Variants in LRP1B observed in about 807,000 individuals in gnomAD.
The protein encoded by LRP1B is LDL receptor related protein 1B.
Under a neutral mutation model 556.6 loss-of-function variants are expected in LRP1B, and 217 were observed. The observed-to-expected ratio is 0.39, with a 90% CI of 0.35 to 0.44. LRP1B has a LOEUF of 0.44. LRP1B is among the 20% of genes least tolerant of loss of function. The probability of loss-of-function intolerance (pLI) is 1.00; values close to 1 mark genes in which losing one functional copy is unlikely to be tolerated. For synonymous variants in LRP1B, 2,047 were observed against 1,865.8 expected (o/e 1.10, Z -2.50); for missense variants, 5,053 against 5,620.8 (o/e 0.90, Z 3.23).
intron 35 of LRP1B, among the ~76,000 whole-genome samples, chr2:140,750,705 C>T (rs891588628): frequency 6.6e-6 from 1 of 152,262 alleles, no homozygotes; most frequent in East Asian, 1.9e-4. Context: ...AACTTATTGA[C>T]TACAGTGACA....
intron 56 of LRP1B, among the ~76,000 whole-genome samples, chr2:140,495,143 G>T (rs1382974495): frequency 6.6e-6 from 1 of 151,994 alleles, no homozygotes; most frequent in African/African-American, 2.4e-5. Context: ...TATTACTATT[G>T]TTGCTTCTTC....
At chr2:140,380,076 C>T (rs919411251) in intron 67 of LRP1B, among the ~76,000 whole-genome samples, 1 of 152,080 alleles carries the variant, frequency 6.6e-6, no homozygotes, top group African/African-American at 2.4e-5. Flanking sequence ...ATGAAAAGTA[C>T]TTGAATTAAC....
chr2:141,833,207 A>C (rs1190159437), intron 1 of LRP1B, among the ~76,000 whole-genome samples: 1 of 151,826 alleles, frequency 6.6e-6, no homozygotes, highest in Non-Finnish European at 1.5e-5. Flanking sequence ...CTAATTTCTT[A>C]GTAGATTCTA....
At chr2:141,542,950 T>C (rs1031921332) in intron 2 of LRP1B, among the ~76,000 whole-genome samples, 3 of 152,158 alleles carry the variant, frequency 2.0e-5, no homozygotes, top group Non-Finnish European at 4.4e-5. Context: ...TATGTACTGA[T>C]AGCAGAAGAT....
chr2:141,227,932 C>T (rs1032356535), intron 6 of LRP1B, among the ~76,000 whole-genome samples: 2 of 152,082 alleles, frequency 1.3e-5, no homozygotes, highest in Non-Finnish European at 2.9e-5. Context: ...CATTTCTCTT[C>T]TCTTTCTTTT....
intron 3 of LRP1B, among the ~76,000 whole-genome samples, chr2:141,427,124 G>A (rs1245827250): frequency 6.6e-6 from 1 of 152,092 alleles, no homozygotes. Context: ...AACAATTAGT[G>A]CATAAATTTT....
chr2:140,968,077 A>G (rs1290518152), intron 18 of LRP1B, among the ~76,000 whole-genome samples: 1 of 145,286 alleles, frequency 6.9e-6, no homozygotes, highest in South Asian at 2.3e-4. Context: ...CTCTTTTTCT[A>G]TTGATTGGAA....
At chr2:140,602,651 A>T (rs1351019607) in intron 41 of LRP1B, among the ~76,000 whole-genome samples, 2 of 152,002 alleles carry the variant, frequency 1.3e-5, no homozygotes, top group Admixed American at 6.6e-5. Flanking sequence ...CAGGTTTAAG[A>T]TGAGTTAATA....
At chr2:142,004,023 G>A (rs1702734023) in intron 1 of LRP1B, among the ~76,000 whole-genome samples, 1 of 152,150 alleles carries the variant, frequency 6.6e-6, no homozygotes, top group Non-Finnish European at 1.5e-5. Flanking sequence ...ACACTTCTCT[G>A]GCATATAATA....
At chr2:141,472,365 T>A (rs1682508055) in intron 3 of LRP1B, among the ~76,000 whole-genome samples, 1 of 151,886 alleles carries the variant, frequency 6.6e-6, no homozygotes. Context: ...GACAGTGAAA[T>A]CCCGTCTGTA....
chr2:142,127,647 T>A (rs1202793606), intron 1 of LRP1B, among the ~76,000 whole-genome samples: 1 of 152,016 alleles, frequency 6.6e-6, no homozygotes, highest in African/African-American at 2.4e-5. Flanking sequence ...TTGTGGCATA[T>A]GAAGAGACAT....
At chr2:141,989,998 T>C (rs1702301423) in intron 1 of LRP1B, among the ~76,000 whole-genome samples, 1 of 152,106 alleles carries the variant, frequency 6.6e-6, no homozygotes, top group Non-Finnish European at 1.5e-5. Context: ...TAGCTTTACA[T>C]ATGGAATACA....
At chr2:140,725,801 C>T (rs1366737339) in intron 35 of LRP1B, among the ~76,000 whole-genome samples, 2 of 152,042 alleles carry the variant, frequency 1.3e-5, no homozygotes, top group African/African-American at 4.8e-5. Context: ...ACATCATATC[C>T]TTGACTCCTC....
chr2:140,517,286 A>G (rs1689947318), intron 49 of LRP1B, among the ~76,000 whole-genome samples: 1 of 152,196 alleles, frequency 6.6e-6, no homozygotes, highest in Admixed American at 6.5e-5. Flanking sequence ...GGTTTAAATT[A>G]TAACAGTAGC....
chr2:140,696,326 A>G (rs114383666), intron 41 of LRP1B, among the ~76,000 whole-genome samples: 5,561 of 152,180 alleles, frequency 0.037, 160 homozygotes, highest in Non-Finnish European at 0.053. Flanking sequence ...GAGGATTGCA[A>G]TGGTTAAGCA....
intron 2 of LRP1B, among the ~76,000 whole-genome samples, chr2:141,618,261 A>G (rs766454720): frequency 6.6e-6 from 1 of 152,140 alleles, no homozygotes; most frequent in East Asian, 1.9e-4. Context: ...GCAAAAGGCA[A>G]CTGAGAATCC....
At chr2:140,439,877 A>C (rs1398248337) in intron 66 of LRP1B, among the ~76,000 whole-genome samples, 1 of 152,106 alleles carries the variant, frequency 6.6e-6, no homozygotes, top group African/African-American at 2.4e-5. Flanking sequence ...ATATAAATAT[A>C]GAATTTAAAA....
chr2:140,922,884 G>T, intron 21 of LRP1B, 81 bp downstream of exon 21: 6 of 1,196,342 alleles, frequency 5.0e-6, no homozygotes, highest in Non-Finnish European at 7.1e-6. Context: ...TTTTACAAAG[G>T]TGAGATACAG....
intron 35 of LRP1B, among the ~76,000 whole-genome samples, chr2:140,752,369 GT>G (rs67091653): frequency 0.86 from 129,402 of 149,816 alleles, 56,619 homozygotes; most frequent in Non-Finnish European, 0.95. Flanking sequence ...TGTCGCCCAG[GT>G]TTGGAGTGCA....
Sources: allele counts gnomAD v4.1 joint callset (sites outside exome capture counted in the v4.1 genomes callset), GRCh38; gene constraint gnomAD v4.1.1; transcripts MANE v1.5; gene names NCBI Gene and HGNC (gene_info 2026-07-23, HGNC 2026-07-21).